Variants in XPR1 observed in about 807,000 individuals in gnomAD.
XPR1 encodes the protein xenotropic and polytropic retrovirus receptor 1.
A neutral mutation model predicts 87.5 loss-of-function variants in XPR1; 28 were observed. The ratio of observed to expected loss-of-function variants is 0.32; its 90% confidence interval spans 0.24 to 0.44. The LOEUF is 0.44. XPR1 is among the 20% of genes least tolerant of loss of function. The probability of loss-of-function intolerance (pLI) is 1.00; values close to 1 mark genes in which losing one functional copy is unlikely to be tolerated. For missense variants in XPR1, 559 were observed against 862.3 expected, an observed-to-expected ratio of 0.65 and a Z score of 4.41; for synonymous variants, 300 against 306.1, an observed-to-expected ratio of 0.98 and a Z score of 0.21.
At chr1:180,667,471 A>G (rs1656001868) in intron 1 of XPR1, among the ~76,000 whole-genome samples, 1 of 152,126 alleles carries the variant, frequency 6.6e-6, no homozygotes, top group African/African-American at 2.4e-5. Context: ...ATGGTGTATA[A>G]TCCTTCTAAT....
chr1:180,748,440 TGGAGTTTCACTC>T (rs1647373054), intron 2 of XPR1, among the ~76,000 whole-genome samples: 1 of 123,330 alleles, frequency 8.1e-6, no homozygotes, highest in African/African-American at 3.0e-5. Flanking sequence ...TTTTTTGAGA[TGGAGTTTCACTC>T]TTGTTGACCA....
rs1653092564 is a variant in XPR1, at chr1:180,888,667, A to G, written c.*4601A>G. On this transcript the variant is annotated 3_prime_UTR_variant, in exon 15 of 15. Coordinates refer to ENST00000367590, the MANE Select transcript of XPR1 (RefSeq NM_004736.4). ...ATCTAAATTTTTCTTGCTTGTGATC[A>G]TTAGCTAAGACAAGGAGTGTTAAAG... The G allele has an allele frequency of 6.6e-6, 1 of 150,652 alleles. No individual in the cohort carries two copies. The highest frequency in any genetic ancestry group is 6.8e-5 in the Admixed American group (1 of 14,736). 9.3% of individuals were successfully genotyped at this position (150,652 alleles called of 1,614,324 possible). A position where few individuals can be genotyped will look rare whatever the true frequency, so the allele number is the denominator to read the frequency against.
intron 9 of XPR1, among the ~76,000 whole-genome samples, chr1:180,829,165 C>T (rs139098720): frequency 6.6e-6 from 1 of 152,218 alleles, no homozygotes; most frequent in Non-Finnish European, 1.5e-5. Context: ...CACTGCACTC[C>T]ATGAAAAGTA....
chr1:180,774,451 C>T (rs1410398408), intron 2 of XPR1, among the ~76,000 whole-genome samples: 2 of 130,938 alleles, frequency 1.5e-5, no homozygotes, highest in East Asian at 4.5e-4. Context: ...AGTGCAGTGG[C>T]GTGATCTCGG....
rs569379528 is a variant in XPR1 at position 180,806,290 on chromosome 1, A to G, written c.597+79A>G. On this transcript the variant is annotated intron_variant, in intron 5 of 14. Transcript: ENST00000367590. ...AGGGAAGCAATTCCTTATTTCTGTT[A>G]TTTTGTAACTAGTTGCTAGCTTTGA... 119 of 1,565,278 alleles carry G rather than the reference A, an allele frequency of 7.6e-5. 1 individual carries two copies. In the South Asian group the frequency reaches 1.3e-3, roughly 18 times the overall value.
chr1:180,675,078 CATT>C (rs1656321640), intron 1 of XPR1, among the ~76,000 whole-genome samples: 1 of 152,234 alleles, frequency 6.6e-6, no homozygotes, highest in East Asian at 1.9e-4. Flanking sequence ...ATTTTAATAA[CATT>C]ATGTAAACCA....
intron 2 of XPR1, among the ~76,000 whole-genome samples, chr1:180,747,194 A>C (rs1350680016): frequency 6.6e-6 from 1 of 152,174 alleles, no homozygotes; most frequent in Non-Finnish European, 1.5e-5. Context: ...TGAATCCTAA[A>C]ACTTAGACGT....
intron 7 of XPR1, among the ~76,000 whole-genome samples, chr1:180,820,686 A>G (rs776819549): frequency 6.6e-6 from 1 of 152,168 alleles, no homozygotes; most frequent in South Asian, 2.1e-4. Flanking sequence ...CTAGCAGTTT[A>G]TGAGGATTCT....
chr1:180,812,884 G>A (rs1448719269), intron 7 of XPR1, among the ~76,000 whole-genome samples: 1 of 151,852 alleles, frequency 6.6e-6, no homozygotes, highest in Admixed American at 6.6e-5. Context: ...TCCTGACCTC[G>A]TGATCCACCC....
intron 9 of XPR1, among the ~76,000 whole-genome samples, chr1:180,831,531 T>G (rs944524397): frequency 6.6e-6 from 1 of 151,674 alleles, no homozygotes; most frequent in South Asian, 2.1e-4. Context: ...TTTCTCCTAA[T>G]GTTATCCCTC....
At chr1:180,787,366 A>G (rs1460884717) in intron 2 of XPR1, among the ~76,000 whole-genome samples, 1 of 151,566 alleles carries the variant, frequency 6.6e-6, no homozygotes, top group Non-Finnish European at 1.5e-5. Context: ...CAGTGGTGCA[A>G]TCTTGGCTCA....
chr1:180,821,126 A>G lies in XPR1; in HGVS notation c.764-3627A>G, dbSNP rs189270790. 1.8e-4 allele frequency among the ~76,000 whole-genome samples: 28 copies of G among 152,228 alleles called. No individual in the cohort carries two copies. The East Asian group carries it at 5.0e-3, about 27-fold the overall frequency. The stretch of plus-strand genomic sequence containing the variant: ...TTGTGATACCTAAGAATCTATTGCC[A>G]AATTCAAGGTCATGAAGATTTATCA... On this transcript the variant is annotated intron_variant, in intron 7 of 14. Coordinates refer to ENST00000367590, the MANE Select transcript of XPR1 (RefSeq NM_004736.4).
At chr1:180,683,741 T>C (rs1656668383) in intron 2 of XPR1, among the ~76,000 whole-genome samples, 1 of 152,020 alleles carries the variant, frequency 6.6e-6, no homozygotes. Flanking sequence ...TTTTCATGTG[T>C]TTTTTGGCTG....
chr1:180,676,313 T>A (rs1222651726), intron 1 of XPR1, among the ~76,000 whole-genome samples: 1 of 152,210 alleles, frequency 6.6e-6, no homozygotes, highest in East Asian at 1.9e-4. Context: ...GACAGCATTA[T>A]TTAATTTTGC....
At chr1:180,794,173 A>T (rs1439806181) in intron 3 of XPR1, among the ~76,000 whole-genome samples, 1 of 152,246 alleles carries the variant, frequency 6.6e-6, no homozygotes, top group East Asian at 1.9e-4. Flanking sequence ...ATCCTATTAC[A>T]CATGTAGCAT....
chr1:180,774,704 G>A (rs1648645552), intron 2 of XPR1, among the ~76,000 whole-genome samples: 1 of 151,806 alleles, frequency 6.6e-6, no homozygotes, highest in South Asian at 2.1e-4. Flanking sequence ...ACCACGTCTG[G>A]CCTGTCTTTC....
intron 2 of XPR1, among the ~76,000 whole-genome samples, chr1:180,736,882 G>A (rs1658746266): frequency 6.6e-6 from 1 of 152,158 alleles, no homozygotes. Flanking sequence ...CGAAAAAAGA[G>A]GCTGACAAGT....
intron 3 of XPR1, among the ~76,000 whole-genome samples, chr1:180,790,771 G>C (rs980198233): frequency 1.3e-5 from 2 of 152,084 alleles, no homozygotes; most frequent in Non-Finnish European, 2.9e-5. Flanking sequence ...TTGATCTCCT[G>C]ACCTCGTGAT....
At chr1:180,796,839 AT>A (rs1317271189) in intron 3 of XPR1, among the ~76,000 whole-genome samples, 18 of 152,254 alleles carry the variant, frequency 1.2e-4, no homozygotes, top group African/African-American at 4.3e-4. Flanking sequence ...GGAACTCAGT[AT>A]AACAGACTTA....
Sources: gnomAD v4.1 joint callset for allele counts (sites outside exome capture counted in the v4.1 genomes callset) on GRCh38, gnomAD v4.1.1 for gene constraint, MANE v1.5 for transcripts, NCBI Gene and HGNC (gene_info 2026-07-23, HGNC 2026-07-21) for gene names.